Variants in ADARB2 observed in about 807,000 individuals in gnomAD.
The protein encoded by ADARB2 is inactive double-stranded RNA-specific editase B2.
A neutral mutation model predicts 62.2 loss-of-function variants in ADARB2; 25 were observed. That is an observed-to-expected ratio of 0.40 (90% CI 0.29 to 0.56). The LOEUF is 0.56. Among genes scored for constraint, ADARB2 ranks in the 20% least tolerant of loss-of-function variants. The pLI is 0.43. For missense variants in ADARB2, 1,071 were observed against 1,077.4 expected (o/e 0.99, Z 0.08); for synonymous variants, 572 against 500.8 (o/e 1.14, Z -1.90).
chr10:1,519,308 A>C (rs1410653530), intron 1 of ADARB2, among the ~76,000 whole-genome samples: 2 of 151,738 alleles, frequency 1.3e-5, no homozygotes, highest in African/African-American at 4.8e-5. Flanking sequence ...TGCATGTGGT[A>C]TTGTCATATG....
intron 3 of ADARB2, among the ~76,000 whole-genome samples, chr10:1,314,576 C>T (rs780954427): frequency 6.6e-6 from 1 of 152,206 alleles, no homozygotes; most frequent in South Asian, 2.1e-4. Flanking sequence ...CCTGGCCTTC[C>T]GGCCGCTTCT....
chr10:1,183,198 G>C lies in ADARB2; in HGVS notation c.2215C>G (p.Leu739Val), dbSNP rs371586209. Residue 739 changes from leucine (L) to valine (V), a missense_variant, in exon 10 of 10, where the codon CTC becomes GTC. Leu to Val is a conservative substitution (Grantham distance 32). Transcript: ENST00000381312. ...PPEQQQFLLT[L>V] ...AGCAGCCAGGAGCCCGCAGCCTAGA[G>C]AGTCAGTAGAAACTGCTGCTGCTCC... 2 of 1,612,772 alleles carry C rather than the reference G, an allele frequency of 1.2e-6. No individual in the cohort carries two copies. The highest frequency in any genetic ancestry group is 2.2e-5 in the East Asian group (1 of 44,886).
At chr10:1,327,480 C>G (rs1831877693) in intron 3 of ADARB2, among the ~76,000 whole-genome samples, 1 of 83,024 alleles carries the variant, frequency 1.2e-5, no homozygotes, top group Admixed American at 1.1e-4. Context: ...ACAGCGCCTC[C>G]TCACTGCACA....
At chr10:1,475,051 C>T (rs1006890619) in intron 1 of ADARB2, among the ~76,000 whole-genome samples, 6 of 152,232 alleles carry the variant, frequency 3.9e-5, no homozygotes, top group Admixed American at 3.9e-4. Flanking sequence ...CGGGCCGCTG[C>T]TACAGAGCAG....
intron 3 of ADARB2, among the ~76,000 whole-genome samples, chr10:1,311,127 G>C (rs1027495546): frequency 7.2e-5 from 11 of 152,172 alleles, no homozygotes; most frequent in African/African-American, 2.7e-4. Context: ...CCTGACTATA[G>C]ATCCAAGTGT....
intron 3 of ADARB2, among the ~76,000 whole-genome samples, chr10:1,299,023 G>T (rs542390784): frequency 5.3e-5 from 8 of 152,096 alleles, no homozygotes; most frequent in Non-Finnish European, 1.0e-4. Flanking sequence ...GGGATGACAG[G>T]TGTGAGCCAC....
chr10:1,412,885 G>A (rs1179161386), intron 1 of ADARB2, among the ~76,000 whole-genome samples: 1 of 152,236 alleles, frequency 6.6e-6, no homozygotes, highest in Admixed American at 6.5e-5. Flanking sequence ...CACCCGCAGT[G>A]TTTTTGTGAC....
At chr10:1,334,135 C>T (rs558153145) in intron 3 of ADARB2, among the ~76,000 whole-genome samples, 6 of 152,252 alleles carry the variant, frequency 3.9e-5, no homozygotes, top group Admixed American at 2.6e-4. Flanking sequence ...AGGCCGGAGG[C>T]TGTTTTGTGT....
At chr10:1,458,934 G>GA (rs951371252) in intron 1 of ADARB2, among the ~76,000 whole-genome samples, 1 of 152,056 alleles carries the variant, frequency 6.6e-6, no homozygotes, top group African/African-American at 2.4e-5. Flanking sequence ...ACAATCATAT[G>GA]AAAAAAAGCT....
intron 1 of ADARB2, among the ~76,000 whole-genome samples, chr10:1,612,233 G>A (rs1833581593): frequency 6.6e-6 from 1 of 152,238 alleles, no homozygotes; most frequent in South Asian, 2.1e-4. Context: ...CCGCGTCCTT[G>A]TGCTTCTGCA....
At chr10:1,559,900 G>A (rs187340674) in intron 1 of ADARB2, among the ~76,000 whole-genome samples, 86 of 152,322 alleles carry the variant, frequency 5.6e-4, no homozygotes, top group African/African-American at 1.6e-3. Flanking sequence ...TCTCAGAAGC[G>A]TGTCCTCACC....
chr10:1,419,817 T>A (rs1445674143), intron 1 of ADARB2, among the ~76,000 whole-genome samples: 1 of 152,246 alleles, frequency 6.6e-6, no homozygotes, highest in African/African-American at 2.4e-5. Flanking sequence ...ATCGGAGGGA[T>A]TCGTTAGCTC....
chr10:1,660,534 G>A (rs575064917), intron 1 of ADARB2, among the ~76,000 whole-genome samples: 47 of 152,130 alleles, frequency 3.1e-4, no homozygotes, highest in Non-Finnish European at 4.9e-4. Context: ...CAGTATCTGG[G>A]GCTCCAGAGC....
At position 1,363,921 on chromosome 10, in the gene ADARB2, G is replaced by A. The variant is rs2131851202; in HGVS notation, c.188-4C>T. The A allele has an allele frequency of 2.0e-6, 3 of 1,463,636 alleles. No homozygotes were observed. Among genetic ancestry groups the A allele is most frequent in the South Asian group, 2.9e-5 (2 of 69,908 alleles). The allele number at this position is 1,463,636 out of a possible 1,614,324, so 90.7% of individuals were successfully genotyped here. The stretch of plus-strand genomic sequence containing the variant: ...TTCACCTCCGCGCTGCTGGTACCTG[G>A]AGGGGAGAACAGACCAGTCAGGAGC... On this transcript the variant is annotated splice_region_variant and splice_polypyrimidine_tract_variant and intron_variant, in intron 2 of 9. Coordinates refer to ENST00000381312, the MANE Select transcript of ADARB2 (RefSeq NM_018702.4).
chr10:1,668,366 A>G (rs964631304), intron 1 of ADARB2, among the ~76,000 whole-genome samples: 5 of 152,162 alleles, frequency 3.3e-5, no homozygotes, highest in Non-Finnish European at 7.3e-5. Context: ...GTCAAAATAC[A>G]CTTCTCAAAC....
intron 3 of ADARB2, among the ~76,000 whole-genome samples, chr10:1,355,873 A>T (rs1372473983): frequency 5.3e-5 from 8 of 152,308 alleles, no homozygotes; most frequent in Non-Finnish European, 1.2e-4. Flanking sequence ...GTGTAAACAT[A>T]TCACAATTGT....
At chr10:1,266,020 G>C (rs1831195060) in intron 4 of ADARB2, among the ~76,000 whole-genome samples, 1 of 128,822 alleles carries the variant, frequency 7.8e-6, no homozygotes, top group Admixed American at 7.5e-5. Context: ...GGCCTGAGAG[G>C]GGGGCCCAGG....
At chr10:1,210,643 G>C (rs1445219643) in intron 7 of ADARB2, among the ~76,000 whole-genome samples, 4 of 152,228 alleles carry the variant, frequency 2.6e-5, no homozygotes, top group African/African-American at 9.6e-5. Flanking sequence ...ACGTCGCAGC[G>C]ATTCCTATTT....
At chr10:1,293,706 T>C (rs1831498737) in intron 3 of ADARB2, among the ~76,000 whole-genome samples, 1 of 152,238 alleles carries the variant, frequency 6.6e-6, no homozygotes, top group South Asian at 2.1e-4. Flanking sequence ...CTATGTCATC[T>C]CTTTTTGTTT....
Sources: allele counts gnomAD v4.1 joint callset (sites outside exome capture counted in the v4.1 genomes callset), GRCh38; gene constraint gnomAD v4.1.1; transcripts MANE v1.5; gene names NCBI Gene and HGNC (gene_info 2026-07-23, HGNC 2026-07-21).